The following SSBP2 variants were observed in gnomAD, a reference collection of about 807,000 sequenced individuals.
The protein encoded by SSBP2 is single-stranded DNA-binding protein 2.
A neutral mutation model predicts 61.8 loss-of-function variants in SSBP2; 17 were observed. That is an observed-to-expected ratio of 0.28 (90% CI 0.19 to 0.41). The LOEUF is 0.41. Ranked by LOEUF, SSBP2 falls within the 10% of genes least tolerant of loss-of-function variation. The probability of loss-of-function intolerance (pLI) is 1.00; values close to 1 mark genes in which losing one functional copy is unlikely to be tolerated. For missense variants in SSBP2, 310 were observed against 458.7 expected, an observed-to-expected ratio of 0.68 and a Z score of 2.96; for synonymous variants, 139 against 141.3, an observed-to-expected ratio of 0.98 and a Z score of 0.12.
At chr5:81,476,225 C>T (rs1037688315) in intron 6 of SSBP2, among the ~76,000 whole-genome samples, 1 of 152,142 alleles carries the variant, frequency 6.6e-6, no homozygotes, top group Non-Finnish European at 1.5e-5. Flanking sequence ...CACCATACAG[C>T]CTTTCAAGTC....
At chr5:81,540,084 A>G (rs1428503266) in intron 4 of SSBP2, among the ~76,000 whole-genome samples, 2 of 152,004 alleles carry the variant, frequency 1.3e-5, no homozygotes, top group East Asian at 3.9e-4. Flanking sequence ...ATCCTTTTTT[A>G]TGGCTGCATA....
intron 3 of SSBP2, among the ~76,000 whole-genome samples, chr5:81,633,953 A>AG (rs1747967590): frequency 6.6e-6 from 1 of 152,286 alleles, no homozygotes; most frequent in Non-Finnish European, 1.5e-5. Flanking sequence ...TCCATTATCT[A>AG]TTCTATAGAA....
intron 1 of SSBP2, chr5:81,710,618 C>A: frequency 2.3e-6 from 1 of 441,970 alleles, no homozygotes; most frequent in Non-Finnish European, 4.5e-6. Context: ...TCTTAACTGA[C>A]AAGCACAAAC....
At chr5:81,589,166 C>G (rs1017309097) in intron 4 of SSBP2, among the ~76,000 whole-genome samples, 2 of 152,094 alleles carry the variant, frequency 1.3e-5, no homozygotes, top group Non-Finnish European at 2.9e-5. Flanking sequence ...GGTCACGTAT[C>G]AAAAAGTCAG....
chr5:81,549,358 C>A (rs760753034), intron 4 of SSBP2, among the ~76,000 whole-genome samples: 2 of 152,090 alleles, frequency 1.3e-5, no homozygotes, highest in Admixed American at 6.5e-5. Context: ...CTGATATATT[C>A]GAGTATCTTC....
chr5:81,545,626 G>A (rs1244303486), intron 4 of SSBP2, among the ~76,000 whole-genome samples: 2 of 152,082 alleles, frequency 1.3e-5, no homozygotes, highest in Non-Finnish European at 2.9e-5. Context: ...TACATATTAG[G>A]TGTGATATAC....
chr5:81,500,608 G>A (rs531844019), intron 5 of SSBP2, among the ~76,000 whole-genome samples: 1 of 151,840 alleles, frequency 6.6e-6, no homozygotes, highest in African/African-American at 2.4e-5. Context: ...TTACAGGTGC[G>A]TGCCACCATG....
At chr5:81,751,366 G>C (rs1357362202), upstream of SSBP2, 5 of 474,506 alleles carry the variant, frequency 1.1e-5, no homozygotes, top group Middle Eastern at 5.6e-4. Context: ...CTCCGAACCC[G>C]GGCGCAAGGG....
intron 4 of SSBP2, among the ~76,000 whole-genome samples, chr5:81,584,223 A>C (rs1774897025): frequency 6.6e-6 from 1 of 152,166 alleles, no homozygotes; most frequent in South Asian, 2.1e-4. Flanking sequence ...GTTTTCCAAG[A>C]ATTCATTCTA....
intron 1 of SSBP2, among the ~76,000 whole-genome samples, chr5:81,699,368 G>T (rs1753807866): frequency 6.6e-6 from 1 of 152,204 alleles, no homozygotes; most frequent in African/African-American, 2.4e-5. Flanking sequence ...TTCAAAATTG[G>T]AGTCAATGCT....
intron 8 of SSBP2, among the ~76,000 whole-genome samples, chr5:81,468,970 A>G (rs552896033): frequency 2.0e-5 from 3 of 152,098 alleles, no homozygotes; most frequent in African/African-American, 7.2e-5. Context: ...GTCATTGCAA[A>G]CAAAATCTGA....
intron 1 of SSBP2, among the ~76,000 whole-genome samples, chr5:81,743,418 CACT>C (rs1757159216): frequency 6.6e-6 from 1 of 152,192 alleles, no homozygotes; most frequent in Non-Finnish European, 1.5e-5. Context: ...TCATTCTCTA[CACT>C]ACATCACACT....
intron 5 of SSBP2, among the ~76,000 whole-genome samples, chr5:81,504,836 C>T (rs548049216): frequency 6.6e-6 from 1 of 152,278 alleles, no homozygotes; most frequent in East Asian, 1.9e-4. Flanking sequence ...ATATTTGTTG[C>T]TAAATATCAT....
At chr5:81,490,017 ACATTT>A (rs978291666) in intron 5 of SSBP2, among the ~76,000 whole-genome samples, 4 of 151,880 alleles carry the variant, frequency 2.6e-5, no homozygotes, top group African/African-American at 9.7e-5. Context: ...CAACACAGTA[ACATTT>A]CATTTCTTAA....
At chr5:81,448,226 A>G (rs3828697) in intron 11 of SSBP2, among the ~76,000 whole-genome samples, 1 of 152,214 alleles carries the variant, frequency 6.6e-6, no homozygotes, top group African/African-American at 2.4e-5. Flanking sequence ...TCAGGAGGTC[A>G]TATAAAACTT....
intron 16 of SSBP2, among the ~76,000 whole-genome samples, chr5:81,427,231 C>T (rs1484913404): frequency 6.6e-6 from 1 of 152,032 alleles, no homozygotes; most frequent in Non-Finnish European, 1.5e-5. Flanking sequence ...CTCAAAGAAC[C>T]AGGATCTAAA....
chr5:81,546,306 G>C lies in SSBP2; in HGVS notation c.283-32589C>G, dbSNP rs547725901. On this transcript the variant is annotated intron_variant, in intron 4 of 16. Transcript: ENST00000320672. The stretch of plus-strand genomic sequence containing the variant: ...TGATTCAGTTCTAATTCCAAAGCTT[G>C]TATTCTTGATCACTAATTTACCTTG... Among the ~76,000 whole-genome samples, 67 of 152,224 alleles carry C rather than the reference G, an allele frequency of 4.4e-4. 1 individual carries two copies. The South Asian group carries it at 0.014, about 31-fold the overall frequency.
chr5:81,615,992 A>C (rs750396376), intron 3 of SSBP2: 2 of 154,304 alleles, frequency 1.3e-5, no homozygotes, highest in Non-Finnish European at 2.9e-5. Flanking sequence ...CAATACCCTG[A>C]CCATTAAATT....
chr5:81,660,450 CAAT>C (rs1461981360), intron 1 of SSBP2, among the ~76,000 whole-genome samples: 4 of 152,148 alleles, frequency 2.6e-5, no homozygotes, highest in Non-Finnish European at 5.9e-5. Flanking sequence ...CAAATCACCA[CAAT>C]GAGATACCAT....
Sources: allele counts gnomAD v4.1 joint callset (sites outside exome capture counted in the v4.1 genomes callset), GRCh38; gene constraint gnomAD v4.1.1; transcripts MANE v1.5; gene names NCBI Gene and HGNC (gene_info 2026-07-23, HGNC 2026-07-21).